Variants in NETO1 observed in about 807,000 individuals in gnomAD.
NETO1 encodes neuropilin and tolloid like 1.
In NETO1, 26 loss-of-function variants were observed where a neutral mutation model predicts 61.3. The ratio of observed to expected loss-of-function variants is 0.42; its 90% CI spans 0.31 to 0.59. NETO1 has a LOEUF of 0.59. Among genes scored for constraint, NETO1 ranks in the 20% least tolerant of loss-of-function variants. The pLI, the probability that NETO1 is intolerant of heterozygous loss-of-function variation, is 0.12. For missense variants in NETO1, 531 were observed against 662.8 expected (o/e 0.80, Z 2.18); for synonymous variants, 225 against 225.8 (o/e 1.00, Z 0.03).
At chr18:72,749,209 C>A in intron 9 of NETO1, 121 bp from the exon 10 acceptor site, 1 of 651,634 alleles carries the variant, frequency 1.5e-6, no homozygotes, top group Non-Finnish European at 2.8e-6. Context: ...CTTATGTCAG[C>A]ATGCAAAACA....
intron 4 of NETO1, among the ~76,000 whole-genome samples, chr18:72,810,867 A>G (rs1197905558): frequency 6.6e-6 from 1 of 152,178 alleles, no homozygotes; most frequent in East Asian, 1.9e-4. Context: ...AGAAGGAAAG[A>G]ATGGGTTTTT....
Position 72,744,531 on chromosome 18 carries a change from A to C in NETO1, c.*3648T>G, listed in dbSNP as rs1056684221. 6.6e-6 allele frequency: 1 copy of C among 152,160 alleles called. No individual in the cohort carries two copies. The highest frequency in any genetic ancestry group is 1.5e-5 in the Non-Finnish European group (1 of 68,022). The allele number at this position is 152,160 out of a possible 1,614,324, so 9.4% of individuals were successfully genotyped here. Reference sequence around the variant, plus strand: ...GGCTGGGTCCTTTACGCTAGAGTGCAATAGATAGAAATGAATCCATGGAGG... The same window carrying C: ...GGCTGGGTCCTTTACGCTAGAGTGCCATAGATAGAAATGAATCCATGGAGG... On this transcript the variant is annotated 3_prime_UTR_variant, in exon 11 of 11. Coordinates refer to ENST00000327305, the MANE Select transcript of NETO1 (RefSeq NM_138966.5).
intron 4 of NETO1, among the ~76,000 whole-genome samples, chr18:72,858,471 T>C (rs1376399215): frequency 1.3e-5 from 2 of 152,194 alleles, no homozygotes; most frequent in Non-Finnish European, 2.9e-5. Context: ...GGATATATTT[T>C]ATAATACTAC....
intron 7 of NETO1, among the ~76,000 whole-genome samples, chr18:72,768,706 A>G (rs977086303): frequency 6.6e-6 from 1 of 152,168 alleles, no homozygotes; most frequent in African/African-American, 2.4e-5. Context: ...CAAAGATGCT[A>G]CTCTGGTGGC....
rs146210246 is a variant in NETO1 at position 72,756,256 on chromosome 18, A to G, written c.869-109T>C. On this transcript the variant is annotated intron_variant, in intron 7 of 10. Coordinates refer to ENST00000327305, the MANE Select transcript of NETO1 (RefSeq NM_138966.5). ...AAAAGATTAGAATAATTTGCCACAAACTGAGATAAATGATCTGCCGTGCGA... is the reference window on the plus strand; with the variant it reads ...AAAAGATTAGAATAATTTGCCACAAGCTGAGATAAATGATCTGCCGTGCGA... 1.8e-4 allele frequency: 107 copies of G among 591,204 alleles called. 1 individual carries two copies. The Middle Eastern group carries it at 3.0e-3, about 16-fold the overall frequency. The allele number at this position is 591,204 out of a possible 1,614,324, so 36.6% of individuals were successfully genotyped here. A position where few individuals can be genotyped will look rare whatever the true frequency, so the allele number is the denominator to read the frequency against.
intron 7 of NETO1, among the ~76,000 whole-genome samples, chr18:72,769,172 T>C (rs577094031): frequency 6.6e-6 from 1 of 152,292 alleles, no homozygotes; most frequent in South Asian, 2.1e-4. Flanking sequence ...ATTTTTTTTC[T>C]AATTATTATC....
intron 6 of NETO1, among the ~76,000 whole-genome samples, chr18:72,791,586 A>G (rs2072120128): frequency 6.6e-6 from 1 of 152,172 alleles, no homozygotes; most frequent in African/African-American, 2.4e-5. Flanking sequence ...ACAGACAGGT[A>G]CATCGGTTAT....
intron 7 of NETO1, among the ~76,000 whole-genome samples, chr18:72,772,400 C>G (rs946025458): frequency 3.9e-5 from 6 of 152,000 alleles, no homozygotes; most frequent in African/African-American, 1.4e-4. Context: ...CTCATCGGTT[C>G]AAAGTCCAGA....
chr18:72,812,060 A>G (rs2072885368), intron 4 of NETO1, among the ~76,000 whole-genome samples: 1 of 152,246 alleles, frequency 6.6e-6, no homozygotes, highest in African/African-American at 2.4e-5. Context: ...TGTGATGCTA[A>G]CATCTTCATT....
intron 4 of NETO1, among the ~76,000 whole-genome samples, chr18:72,852,240 A>C (rs1474347488): frequency 6.6e-6 from 1 of 152,148 alleles, no homozygotes; most frequent in African/African-American, 2.4e-5. Context: ...TTTGAGATGG[A>C]GTCTCGCTCT....
At chr18:72,772,923 C>T (rs2145186331) in intron 7 of NETO1, among the ~76,000 whole-genome samples, 1 of 143,878 alleles carries the variant, frequency 7.0e-6, no homozygotes, top group South Asian at 2.3e-4. Flanking sequence ...TCCAGTATTT[C>T]TGGTACTCTG....
chr18:72,835,814 C>T (rs2073727041), intron 4 of NETO1, among the ~76,000 whole-genome samples: 2 of 152,118 alleles, frequency 1.3e-5, no homozygotes. Context: ...CACGTGTCGA[C>T]ACTATAACTA....
chr18:72,812,407 T>G (rs1336237649), intron 4 of NETO1, among the ~76,000 whole-genome samples: 2 of 152,222 alleles, frequency 1.3e-5, no homozygotes, highest in African/African-American at 4.8e-5. Flanking sequence ...TTTACACAGT[T>G]ATCTTTCTTC....
intron 7 of NETO1, among the ~76,000 whole-genome samples, chr18:72,781,323 C>T (rs1299371789): frequency 1.3e-5 from 2 of 152,106 alleles, no homozygotes; most frequent in Non-Finnish European, 2.9e-5. Context: ...CTGAAATTCC[C>T]TCACTGAAGG....
intron 7 of NETO1, among the ~76,000 whole-genome samples, chr18:72,761,190 A>G (rs1344686661): frequency 6.6e-6 from 1 of 152,188 alleles, no homozygotes; most frequent in Non-Finnish European, 1.5e-5. Flanking sequence ...AAGTGAAGAA[A>G]ATCATTCACA....
intron 6 of NETO1, among the ~76,000 whole-genome samples, chr18:72,791,132 G>C (rs1326427328): frequency 1.3e-5 from 2 of 152,100 alleles, no homozygotes; most frequent in African/African-American, 4.8e-5. Context: ...ATGAAATCTA[G>C]ATTAATCACA....
At chr18:72,789,330 C>A (rs1270512476) in intron 6 of NETO1, among the ~76,000 whole-genome samples, 3 of 151,596 alleles carry the variant, frequency 2.0e-5, no homozygotes, top group Non-Finnish European at 4.4e-5. Context: ...TATTTAAAGT[C>A]CACCTGAGTA....
At chr18:72,800,811 T>C (rs1254547847) in intron 4 of NETO1, among the ~76,000 whole-genome samples, 1 of 152,190 alleles carries the variant, frequency 6.6e-6, no homozygotes, top group Non-Finnish European at 1.5e-5. Context: ...AACATGTCTC[T>C]TCCTGTAAAT....
At chr18:72,852,219 G>C (rs536969915) in intron 4 of NETO1, among the ~76,000 whole-genome samples, 20 of 152,154 alleles carry the variant, frequency 1.3e-4, no homozygotes, top group East Asian at 7.7e-4. Context: ...TTGTTTGTTT[G>C]TTTGTTTCTT....
Sources: gnomAD v4.1 joint callset for allele counts (sites outside exome capture counted in the v4.1 genomes callset) on GRCh38, gnomAD v4.1.1 for gene constraint, MANE v1.5 for transcripts, NCBI Gene and HGNC (gene_info 2026-07-23, HGNC 2026-07-21) for gene names.